Variants in SPAG5 observed in about 807,000 individuals in gnomAD.
The protein encoded by SPAG5 is sperm-associated antigen 5.
Under a neutral mutation model 145.4 loss-of-function variants are expected in SPAG5, and 99 were observed. The observed-to-expected ratio is 0.68, with a 90% confidence interval of 0.58 to 0.80. The LOEUF (loss-of-function observed/expected upper bound fraction) is 0.80. Ranked by LOEUF, SPAG5 falls within the 30% of genes least tolerant of loss-of-function variation. SPAG5 has a pLI of 0.00. For missense variants in SPAG5, 1,192 were observed against 1,416.0 expected (o/e 0.84, Z 2.54); for synonymous variants, 477 against 525.4 (o/e 0.91, Z 1.26).
chr17:28,580,075 G>A lies in SPAG5; in HGVS notation c.2731C>T (p.Gln911Ter). The change falls in exon 16 of 24, where the codon CAG (glutamine) becomes TAG (stop). Residue 911 changes from glutamine (Q) to a stop codon, truncating the protein, a stop_gained. Coordinates refer to ENST00000321765, the MANE Select transcript of SPAG5 (RefSeq NM_006461.4). LOFTEE classifies it high-confidence loss of function. ...LLLSTACPPT[Q>*]EHPLPNDRTF... ...CTGTCATTAGGCAGAGGGTGTTCCTGGGTGGGAGGACAGGCTGTACTCAGC... is the reference window on the plus strand; with the variant it reads ...CTGTCATTAGGCAGAGGGTGTTCCTAGGTGGGAGGACAGGCTGTACTCAGC... The A allele has an allele frequency of 2.5e-6, 4 of 1,614,112 alleles. No individual in the cohort carries two copies. The highest frequency in any genetic ancestry group is 3.4e-6 in the Non-Finnish European group (4 of 1,179,992).
chr17:28,578,785 A>G, intron 19 of SPAG5, 33 bp from the exon 20 acceptor site: 6 of 1,567,172 alleles, frequency 3.8e-6, no homozygotes, highest in Non-Finnish European at 5.3e-6. Flanking sequence ...AAGACACATG[A>G]AGAGCTGGTC....
intron 4 of SPAG5, among the ~76,000 whole-genome samples, chr17:28,588,252 G>C (rs2070598888): frequency 6.6e-6 from 1 of 152,198 alleles, no homozygotes; most frequent in Non-Finnish European, 1.5e-5. Context: ...GAAGGAGGCA[G>C]CCAGGCAGCA....
intron 2 of SPAG5, among the ~76,000 whole-genome samples, chr17:28,594,868 G>A (rs1440877197): frequency 2.6e-5 from 4 of 152,000 alleles, no homozygotes; most frequent in Non-Finnish European, 5.9e-5. Context: ...GCTGAGGTGG[G>A]AGGACTGCTA....
chr17:28,591,611 A>G, intron 4 of SPAG5, 87 bp downstream of exon 4: 1 of 1,205,064 alleles, frequency 8.3e-7, no homozygotes, highest in South Asian at 1.4e-5. Context: ...CTGTGATAGG[A>G]GTCCCCTTTG....
intron 4 of SPAG5, among the ~76,000 whole-genome samples, chr17:28,589,162 G>A (rs982449548): frequency 6.0e-5 from 9 of 150,740 alleles, no homozygotes; most frequent in African/African-American, 1.2e-4. Flanking sequence ...GCAGTGGCGC[G>A]ATCTTGGCTC....
At chr17:28,597,310 C>T (rs901098131) in intron 2 of SPAG5, among the ~76,000 whole-genome samples, 2 of 152,044 alleles carry the variant, frequency 1.3e-5, no homozygotes, top group African/African-American at 4.8e-5. Context: ...CCCAGTTACT[C>T]AGGAGCCTGA....
intron 23 of SPAG5, 59 bp from the exon 24 acceptor site, chr17:28,577,829 A>G (rs2070516050): frequency 1.7e-5 from 24 of 1,438,502 alleles, no homozygotes; most frequent in Non-Finnish European, 2.2e-5. Flanking sequence ...CAGGGCTCCC[A>G]GCCCCAGGAG....
At chr17:28,582,702 C>T (rs561757102) in intron 15 of SPAG5, 2 of 152,302 alleles carry the variant, frequency 1.3e-5, no homozygotes, top group South Asian at 4.1e-4. Context: ...TTTGTTGTGC[C>T]TTATCTGCTG....
intron 2 of SPAG5, among the ~76,000 whole-genome samples, chr17:28,596,922 A>T (rs1178204483): frequency 6.6e-6 from 1 of 151,132 alleles, no homozygotes; most frequent in Non-Finnish European, 1.5e-5. Flanking sequence ...CCTGACCAAC[A>T]TGGAGAAACC....
At chr17:28,593,381 A>T (rs1017710762) in intron 2 of SPAG5, among the ~76,000 whole-genome samples, 1 of 152,134 alleles carries the variant, frequency 6.6e-6, no homozygotes, top group Non-Finnish European at 1.5e-5. Flanking sequence ...GCACTTCTAG[A>T]TGAACAGATA....
chr17:28,581,059 G>A (rs2070546494), intron 15 of SPAG5, among the ~76,000 whole-genome samples: 1 of 152,190 alleles, frequency 6.6e-6, no homozygotes, highest in Admixed American at 6.5e-5. Context: ...CTAGAGCAGG[G>A]AGAGGGAAGG....
chr17:28,583,924 T>C lies in SPAG5; in HGVS notation c.2475A>G (p.Lys825=). 6.2e-7 allele frequency: 1 copy of C among 1,614,108 alleles called. No homozygotes were observed. Among genetic ancestry groups the C allele is most frequent in the Non-Finnish European group, 8.5e-7 (1 of 1,180,022 alleles). The change falls in exon 14 of 24, where the codon AAA becomes AAG. Residue 825 remains lysine, a synonymous_variant. Coordinates refer to ENST00000321765, the MANE Select transcript of SPAG5 (RefSeq NM_006461.4). ...LELGQVECQL[K]TTLEVLRERS... ...GCTCCCGGAGCACTTCCAGTGTGGT[T>C]TTCAATTGACACTCAACCTGACCCA...
At chr17:28,586,045 T>C in intron 6 of SPAG5, 45 bp downstream of exon 6, 1 of 1,614,114 alleles carries the variant, frequency 6.2e-7, no homozygotes. Context: ...CTTTATGGCT[T>C]TTAGTCCCAC....
chr17:28,579,336 C>T, intron 18 of SPAG5, 29 bp downstream of exon 18: 1 of 1,613,854 alleles, frequency 6.2e-7, no homozygotes, highest in Non-Finnish European at 8.5e-7. Flanking sequence ...CTCACTGTCC[C>T]TCTGTCACCA....
At chr17:28,590,868 CAAAAAAAAAA>C (rs60727111) in intron 4 of SPAG5, among the ~76,000 whole-genome samples, 1 of 37,434 alleles carries the variant, frequency 2.7e-5, no homozygotes, top group Non-Finnish European at 4.9e-5. Flanking sequence ...GACTCCGTCT[CAAAAAAAAAA>C]AAAAAAAAAA....
rs1349467144 is a variant in SPAG5 at position 28,578,203 on chromosome 17, C to A, written c.3429+15G>T. 6.2e-7 allele frequency: 1 copy of A among 1,613,978 alleles called. No homozygotes were observed. The highest frequency in any genetic ancestry group is 2.2e-5 in the East Asian group (1 of 44,890). Reference sequence around the variant, plus strand: ...ATGGTAGGAAATGGCCCTGGAATGGCATGGACATTCTTACATGGCTCTGGA... The same window carrying A: ...ATGGTAGGAAATGGCCCTGGAATGGAATGGACATTCTTACATGGCTCTGGA... On this transcript the variant is annotated intron_variant, in intron 22 of 23. Coordinates refer to ENST00000321765, the MANE Select transcript of SPAG5 (RefSeq NM_006461.4).
At position 28,579,425 on chromosome 17, in the gene SPAG5, C is replaced by A. The variant is rs1283954212; in HGVS notation, c.2945G>T (p.Ser982Ile). Residue 982 changes from serine (S) to isoleucine (I), a missense_variant, in exon 18 of 24, where the codon AGT becomes ATT. By Grantham distance (142) the Ser-to-Ile change is moderately radical (BLOSUM62 -2). Around this residue, in one of 5 missense-constraint regions of SPAG5, gnomAD observed 709 missense variants for 840.7 expected, o/e 0.84. Transcript: ENST00000321765. ...AGACTCTTGTAGCAGGGAACAAAGA[C>A]TCTGAAGCTCAGTAGTCATAATACT... ...EMSIMTTELQ[S>I]LCSLLQESKE... 1 of 1,614,036 alleles carries A rather than the reference C, an allele frequency of 6.2e-7. No homozygotes were observed. Among genetic ancestry groups the A allele is most frequent in the Non-Finnish European group, 8.5e-7 (1 of 1,180,026 alleles).
At position 28,591,877 on chromosome 17, in the gene SPAG5, A is replaced by G; in HGVS notation, c.1263-5T>C. On this transcript the variant is annotated splice_polypyrimidine_tract_variant and splice_region_variant and intron_variant, in intron 3 of 23. Coordinates refer to ENST00000321765, the MANE Select transcript of SPAG5 (RefSeq NM_006461.4). Reference sequence around the variant, plus strand: ...GCAGTCAGATCTGGAGGCCGGCTGCAGCAGAAAGAGAAGAACATGACGAAA... The same window carrying G: ...GCAGTCAGATCTGGAGGCCGGCTGCGGCAGAAAGAGAAGAACATGACGAAA... 6.2e-7 allele frequency: 1 copy of G among 1,613,430 alleles called. No homozygotes were observed. The highest frequency in any genetic ancestry group is 8.5e-7 in the Non-Finnish European group (1 of 1,179,482).
rs137995411 is a variant in SPAG5, at chr17:28,583,619, G to A, written c.2577C>T (p.Asn859=). 1.1e-4 allele frequency: 173 copies of A among 1,612,764 alleles called. No homozygotes were observed. Among genetic ancestry groups the A allele is most frequent in the Non-Finnish European group, 1.3e-4 (159 of 1,179,658 alleles). ...TAKLASTIAD[N]QEQDLEKTRQ... ...GTGTTTTCTCCAGATCTTGCTCCTG[G>A]TTATCTGCTATGGTGCTGGCCAGTT... The change falls in exon 15 of 24, where the codon AAC becomes AAT. Residue 859 remains asparagine, a synonymous_variant. Coordinates refer to ENST00000321765, the MANE Select transcript of SPAG5 (RefSeq NM_006461.4).
Sources: gnomAD v4.1 joint callset for allele counts (sites outside exome capture counted in the v4.1 genomes callset) on GRCh38, gnomAD v4.1.1 for gene constraint, gnomAD v4.1.1 regional missense constraint, MANE v1.5 for transcripts, NCBI Gene and HGNC (gene_info 2026-07-23, HGNC 2026-07-21) for gene names.